Variants in LAMA3 observed in about 807,000 individuals in gnomAD.
LAMA3 encodes laminin subunit alpha-3.
In LAMA3, 281 loss-of-function variants were observed where a neutral mutation model predicts 402.0. The observed-to-expected ratio is 0.70, with a 90% confidence interval of 0.63 to 0.77. LAMA3 has a LOEUF of 0.77. Among genes scored for constraint, LAMA3 ranks in the 30% least tolerant of loss-of-function variants. The pLI, the probability that LAMA3 is intolerant of heterozygous loss-of-function variation, is 0.00. For missense variants in LAMA3, 3,840 were observed against 4,215.5 expected (o/e 0.91, Z 2.47); for synonymous variants, 1,431 against 1,558.4 (o/e 0.92, Z 1.93).
At chr18:23,876,092 T>TA (rs1282034195) in intron 38 of LAMA3, among the ~76,000 whole-genome samples, 14 of 152,186 alleles carry the variant, frequency 9.2e-5, no homozygotes, top group Admixed American at 3.9e-4. Context: ...GCAGGAGGAT[T>TA]GCTTGAGCCT....
At chr18:23,840,724 C>T (rs559662107) in intron 27 of LAMA3, among the ~76,000 whole-genome samples, 10 of 152,012 alleles carry the variant, frequency 6.6e-5, no homozygotes, top group African/African-American at 1.9e-4. Flanking sequence ...TAATGCATTC[C>T]GTAAGCTAAA....
intron 5 of LAMA3, among the ~76,000 whole-genome samples, chr18:23,751,752 A>G (rs775951808): frequency 6.6e-6 from 1 of 152,276 alleles, no homozygotes; most frequent in Non-Finnish European, 1.5e-5. Context: ...CACCATGAAC[A>G]TCTCTCACTC....
intron 12 of LAMA3, among the ~76,000 whole-genome samples, chr18:23,788,144 A>C (rs2062582465): frequency 6.6e-6 from 1 of 151,898 alleles, no homozygotes; most frequent in Non-Finnish European, 1.5e-5. Flanking sequence ...TTATAAAGAC[A>C]CTCTATAAAT....
In LAMA3 at chr18:23,914,470, C is replaced by G. The variant is rs1321705512; in HGVS notation, c.7390C>G (p.Leu2464Val). Residue 2464 changes from leucine to valine, a missense_variant, in exon 57 of 75, where the codon CTG becomes GTG. Leu to Val is a conservative substitution (Grantham distance 32). Transcript: ENST00000313654. ...VDGQLTCVYN[L>V]GDREAELQVD... ...TGGCCAGCTCACCTGTGTCTACAACCTGGGGGACCGTGAGGCTGAACTCCA... is the reference window on the plus strand; with the variant it reads ...TGGCCAGCTCACCTGTGTCTACAACGTGGGGGACCGTGAGGCTGAACTCCA... The G allele has an allele frequency of 6.2e-7, 1 of 1,614,108 alleles. No homozygotes were observed. The highest frequency in any genetic ancestry group is 8.5e-7 in the Non-Finnish European group (1 of 1,180,000).
intron 41 of LAMA3, among the ~76,000 whole-genome samples, chr18:23,886,480 T>A (rs1320462165): frequency 6.7e-6 from 1 of 148,598 alleles, no homozygotes; most frequent in Non-Finnish European, 1.5e-5. Flanking sequence ...ATCTCCATAA[T>A]TTTTTTTTTT....
At chr18:23,842,368 T>A (rs1281632399) in intron 27 of LAMA3, 27 bp from the exon 28 acceptor site, 1 of 1,614,108 alleles carries the variant, frequency 6.2e-7, no homozygotes, top group South Asian at 1.1e-5. Flanking sequence ...GTTTTTAATT[T>A]TTTTTCCTCC....
chr18:23,916,757 A>G, intron 60 of LAMA3, 62 bp downstream of exon 60: 1 of 1,543,138 alleles, frequency 6.5e-7, no homozygotes, highest in Non-Finnish European at 9.0e-7. Context: ...CAATTTGGAG[A>G]TAACTGGGTT....
At chr18:23,915,478 T>G (rs1217085793) in intron 59 of LAMA3, 56 bp downstream of exon 59, 3 of 1,504,222 alleles carry the variant, frequency 2.0e-6, no homozygotes, top group African/African-American at 1.4e-5. Context: ...TAACTTGCAG[T>G]ACTTTTACAT....
chr18:23,753,640 C>G (rs2061790701), intron 5 of LAMA3, 81 bp from the exon 6 acceptor site: 1 of 961,676 alleles, frequency 1.0e-6, no homozygotes, highest in Non-Finnish European at 1.7e-6. Context: ...GCAGAGGCAG[C>G]AGATGTGGGT....
At chr18:23,850,324 A>G (rs1299375071) in intron 32 of LAMA3, among the ~76,000 whole-genome samples, 2 of 152,244 alleles carry the variant, frequency 1.3e-5, no homozygotes, top group African/African-American at 2.4e-5. Flanking sequence ...TTACAAAAAT[A>G]ATTTTAGCAA....
chr18:23,814,379 T>C (rs2063136013), intron 14 of LAMA3, 24 bp from the exon 15 acceptor site: 1 of 1,499,584 alleles, frequency 6.7e-7, no homozygotes, highest in Non-Finnish European at 9.3e-7. Context: ...AGATGTCAAA[T>C]GTTTGTTTGA....
At chr18:23,821,600 GT>G (rs2063286507) in intron 19 of LAMA3, among the ~76,000 whole-genome samples, 1 of 152,172 alleles carries the variant, frequency 6.6e-6, no homozygotes, top group Non-Finnish European at 1.5e-5. Flanking sequence ...GCTCCACAAT[GT>G]TTACAGAATA....
rs552126227 is a variant in LAMA3, at chr18:23,868,653, T to C, written c.4767+736T>C. Among the ~76,000 whole-genome samples the C allele has an allele frequency of 5.9e-5, 9 of 152,334 alleles. No homozygotes were observed. The East Asian group carries it at 1.5e-3, about 26-fold the overall frequency. ...AAAAAACCTGTGAGCTTATAAATGCTATGACATAGCTCTCTGTCATCCTCA... is the reference window on the plus strand; with the variant it reads ...AAAAAACCTGTGAGCTTATAAATGCCATGACATAGCTCTCTGTCATCCTCA... On this transcript the variant is annotated intron_variant, in intron 37 of 74. Coordinates refer to ENST00000313654, the MANE Select transcript of LAMA3 (RefSeq NM_198129.4).
intron 49 of LAMA3, 79 bp downstream of exon 49, chr18:23,903,204 C>A: frequency 2.2e-6 from 2 of 906,110 alleles, no homozygotes; most frequent in Non-Finnish European, 3.7e-6. Context: ...ATGGGCTGAC[C>A]TACTTTTTTG....
At position 23,779,505 on chromosome 18, in the gene LAMA3, G is replaced by C. The variant is rs148680377; in HGVS notation, c.1468+1886G>C. 1.3e-3 allele frequency among the ~76,000 whole-genome samples: 205 copies of C among 152,208 alleles called. 1 individual carries two copies. The highest frequency in any genetic ancestry group is 4.8e-3 in the African/African-American group (200 of 41,530). On this transcript the variant is annotated intron_variant, in intron 11 of 74. Transcript: ENST00000313654. ...GAGAGGGCTCTGGGGTGACTCCAAG[G>C]CTTTTCGGCTGAGCAGTTAGAAGGA...
rs1237719251 is a variant in LAMA3, at chr18:23,890,034, A to T, written c.5327A>T (p.Asn1776Ile). 4 of 1,613,896 alleles carry T rather than the reference A, an allele frequency of 2.5e-6. No individual in the cohort carries two copies. The highest frequency in any genetic ancestry group is 3.4e-6 in the Non-Finnish European group (4 of 1,179,740). ...AGGTGTGCACCGGGATATTTCGGGA[A>T]TCCCCAGAAATTCGGAGGTAGCTGC... ...CERCAPGYFG[N>I]PQKFGGSCQP... Residue 1776 changes from asparagine (N) to isoleucine (I), a missense_variant, in exon 42 of 75, where the codon AAT (asparagine) becomes ATT (isoleucine). Physicochemically the swap from Asn to Ile is moderately radical, Grantham distance 149 (BLOSUM62 -3). Transcript: ENST00000313654.
At chr18:23,838,927 G>GGAT in intron 26 of LAMA3, 49 bp downstream of exon 26, 1 of 1,113,956 alleles carries the variant, frequency 9.0e-7, no homozygotes, top group Non-Finnish European at 1.4e-6. Context: ...AGTGATACTG[G>GGAT]GATGAGTGTA....
chr18:23,773,271 T>C (rs1036776856), intron 8 of LAMA3, among the ~76,000 whole-genome samples: 2 of 152,260 alleles, frequency 1.3e-5, no homozygotes, highest in African/African-American at 4.8e-5. Context: ...TGATGGAATG[T>C]TTCCTTTCCT....
intron 12 of LAMA3, among the ~76,000 whole-genome samples, chr18:23,802,105 T>G (rs1346001945): frequency 6.6e-6 from 1 of 152,266 alleles, no homozygotes; most frequent in Non-Finnish European, 1.5e-5. Context: ...CAGAACTTTT[T>G]GAGTGCTGAC....
Sources: gnomAD v4.1 joint callset for allele counts (sites outside exome capture counted in the v4.1 genomes callset) on GRCh38, gnomAD v4.1.1 for gene constraint, MANE v1.5 for transcripts, NCBI Gene and HGNC (gene_info 2026-07-23, HGNC 2026-07-21) for gene names.